PCDHGA8: variants seen among roughly 807,000 people sequenced by gnomAD.
PCDHGA8 encodes the protein protocadherin gamma-A8.
Under a neutral mutation model 59.2 loss-of-function variants are expected in PCDHGA8, and 45 were observed. The observed-to-expected ratio is 0.76, with a 90% CI of 0.60 to 0.98. The LOEUF is 0.98. Ranked by LOEUF, PCDHGA8 falls within the 50% of genes least tolerant of loss-of-function variation. The pLI, the probability that PCDHGA8 is intolerant of heterozygous loss-of-function variation, is 0.00. For synonymous variants in PCDHGA8, 531 were observed against 519.0 expected (o/e 1.02, Z -0.32); for missense variants, 1,257 against 1,196.2 (o/e 1.05, Z -0.75).
chr5:141,428,658 T>C (rs932328483), intron 1 of PCDHGA8: 1 of 165,620 alleles, frequency 6.0e-6, no homozygotes, highest in Non-Finnish European at 1.3e-5. Context: ...TGAGTTCCAA[T>C]GAATGTCTTT....
At chr5:141,400,652 T>A in intron 1 of PCDHGA8, 1 of 1,143,230 alleles carries the variant, frequency 8.7e-7, no homozygotes, top group Non-Finnish European at 1.3e-6. Flanking sequence ...AAAGCTGTCC[T>A]ACCATTCTTT....
chr5:141,427,883 C>G (rs2097084423), intron 1 of PCDHGA8: 3 of 1,563,818 alleles, frequency 1.9e-6, no homozygotes, highest in Non-Finnish European at 1.7e-6. Flanking sequence ...TGCAGGCCCA[C>G]GACCAGGGCT....
intron 1 of PCDHGA8, chr5:141,420,475 A>G (rs1590231324): frequency 3.0e-6 from 2 of 665,126 alleles, no homozygotes; most frequent in Admixed American, 7.8e-5. Context: ...ATTTTAAAGC[A>G]AACTACATGG....
chr5:141,404,745 C>T, intron 1 of PCDHGA8: 1 of 1,613,966 alleles, frequency 6.2e-7, no homozygotes, highest in Non-Finnish European at 8.5e-7. Flanking sequence ...GACAGAGACT[C>T]AGGCCAGAAT....
In PCDHGA8 at chr5:141,432,647, C is replaced by T; in HGVS notation, c.2424+37410C>T. On this transcript the variant is annotated intron_variant, in intron 1 of 3. Coordinates refer to ENST00000398604, the MANE Select transcript of PCDHGA8 (RefSeq NM_032088.2). This position sits in a 1 kb window ranked among gnomAD's most constrained non-coding sequence, Gnocchi z 6.0. ...GCACACGGGCGAGGTGCGCACGGCG[C>T]GAGCCCTGCTGGACAGAGACGCGCT... 3 of 1,613,796 alleles carry T rather than the reference C, an allele frequency of 1.9e-6. No homozygotes were observed. Among genetic ancestry groups the T allele is most frequent in the Admixed American group, 1.7e-5 (1 of 60,008 alleles).
rs1001719735 is a variant in PCDHGA8 at position 141,512,055 on chromosome 5, TGAC to T, written c.*883_*885del. 10 of 152,698 alleles carry T rather than the reference TGAC, an allele frequency of 6.5e-5. No homozygotes were observed. The highest frequency in any genetic ancestry group is 1.4e-4 in the African/African-American group (6 of 41,450). 9.5% of individuals were successfully genotyped at this position (152,698 alleles called of 1,614,324 possible). On this transcript the variant is annotated 3_prime_UTR_variant, in exon 4 of 4. Coordinates refer to ENST00000398604, the MANE Select transcript of PCDHGA8 (RefSeq NM_032088.2). ...GAGGCTCTGTATGTCCTCAGGGGACTGACAACATCCTCCAGATTCCAGCCATAA... is the reference window on the plus strand; with the variant it reads ...GAGGCTCTGTATGTCCTCAGGGGACTAACATCCTCCAGATTCCAGCCATAA...
Position 141,477,447 on chromosome 5 carries a change from G to C in PCDHGA8, c.2425-17360G>C, listed in dbSNP as rs779097830. On this transcript the variant is annotated intron_variant, in intron 1 of 3. Coordinates refer to ENST00000398604, the MANE Select transcript of PCDHGA8 (RefSeq NM_032088.2). The surrounding 1 kb of genome is among the most constrained non-coding windows in gnomAD (Gnocchi z 4.9). ...TCCCTCTCAGCCCTTACAATAGTGCGTGTTCAAGTGTCCGACATCAATGAC... is the reference window on the plus strand; with the variant it reads ...TCCCTCTCAGCCCTTACAATAGTGCCTGTTCAAGTGTCCGACATCAATGAC... The C allele has an allele frequency of 1.6e-5, 26 of 1,614,098 alleles. No individual in the cohort carries two copies. Among genetic ancestry groups the C allele is most frequent in the Non-Finnish European group, 2.2e-5 (26 of 1,180,016 alleles).
chr5:141,454,644 G>T (rs183290309), intron 1 of PCDHGA8, among the ~76,000 whole-genome samples: 2 of 151,892 alleles, frequency 1.3e-5, no homozygotes, highest in South Asian at 2.1e-4. Flanking sequence ...AACCTCAGGT[G>T]ATCTGCCCAC....
rs1183309479 is a variant in PCDHGA8 at position 141,404,628 on chromosome 5, C to G, written c.2424+9391C>G. 1.9e-6 allele frequency: 3 copies of G among 1,614,100 alleles called. No homozygotes were observed. In the South Asian group the frequency reaches 3.3e-5, roughly 18 times the overall value. Reference sequence around the variant, plus strand: ...TTTGTTTTGGACCAGAATGACAATGCCCCAGAAATCCTGTACCCTGCCCTC... The same window carrying G: ...TTTGTTTTGGACCAGAATGACAATGGCCCAGAAATCCTGTACCCTGCCCTC... On this transcript the variant is annotated intron_variant, in intron 1 of 3. Transcript: ENST00000398604.
At position 141,491,744 on chromosome 5, in the gene PCDHGA8, C is replaced by T; in HGVS notation, c.2425-3063C>T. 6.3e-7 allele frequency: 1 copy of T among 1,592,720 alleles called. No individual in the cohort carries two copies. Among genetic ancestry groups the T allele is most frequent in the African/African-American group, 1.3e-5 (1 of 74,122 alleles). Reference sequence around the variant, plus strand: ...CCCCGGGCGACCCCTGGGGGCGGCACTGGAGAAGCCGCCCGTCCTCATAAG... The same window carrying T: ...CCCCGGGCGACCCCTGGGGGCGGCATTGGAGAAGCCGCCCGTCCTCATAAG... On this transcript the variant is annotated intron_variant, in intron 1 of 3. Transcript: ENST00000398604. The surrounding 1 kb of genome is among the most constrained non-coding windows in gnomAD (Gnocchi z 6.9).
At chr5:141,505,913 T>C (rs1457583355) in intron 3 of PCDHGA8, among the ~76,000 whole-genome samples, 1 of 152,098 alleles carries the variant, frequency 6.6e-6, no homozygotes, top group African/African-American at 2.4e-5. Context: ...AAGCATAGAG[T>C]TCTGGGCCTG....
intron 1 of PCDHGA8, among the ~76,000 whole-genome samples, 197 bp from the exon 2 acceptor site, chr5:141,494,610 T>C (rs1428159953): frequency 6.6e-6 from 1 of 152,152 alleles, no homozygotes; most frequent in Non-Finnish European, 1.5e-5. Flanking sequence ...GATTTATCTC[T>C]TGGTTTCTGG....
At chr5:141,418,535 G>GC in intron 1 of PCDHGA8, 1 of 1,614,002 alleles carries the variant, frequency 6.2e-7, no homozygotes, top group Non-Finnish European at 8.5e-7. Context: ...AAGCGGTACT[G>GC]CTCAGATAAG....
chr5:141,481,142 G>T (rs2099532501), intron 1 of PCDHGA8, among the ~76,000 whole-genome samples: 1 of 152,212 alleles, frequency 6.6e-6, no homozygotes, highest in Non-Finnish European at 1.5e-5. Context: ...GAAGTAAAGT[G>T]TTATTCTGGT....
At chr5:141,415,450 C>A (rs774745130) in intron 1 of PCDHGA8, 44 of 1,614,086 alleles carry the variant, frequency 2.7e-5, no homozygotes, top group Non-Finnish European at 3.4e-5. Context: ...GACCTATTCC[C>A]ACGAGGTCTC....
intron 1 of PCDHGA8, chr5:141,417,389 A>C (rs578088616): frequency 2.5e-4 from 39 of 154,566 alleles, no homozygotes; most frequent in Admixed American, 4.5e-4. Flanking sequence ...ATTTTGAAGA[A>C]AAAATATTCA....
Position 141,458,007 on chromosome 5 carries a change from C to T in PCDHGA8, c.2425-36800C>T, listed in dbSNP as rs142050242. Among the ~76,000 whole-genome samples the T allele has an allele frequency of 1.3e-3, 200 of 152,274 alleles. 1 individual carries two copies. The East Asian group carries it at 0.032, about 24-fold the overall frequency. ...TCAGTTAAAGCCTTGGCAAAATAAC[C>T]GGTTTTTCCAATTGTGTTCTGTTGA... On this transcript the variant is annotated intron_variant, in intron 1 of 3. Transcript: ENST00000398604.
chr5:141,409,657 C>T (rs13184346), intron 1 of PCDHGA8: 1 of 1,613,620 alleles, frequency 6.2e-7, no homozygotes, highest in Non-Finnish European at 8.5e-7. Context: ...GGCTCAATGG[C>T]CACATCTCCT....
rs11575958 is a variant in PCDHGA8, at chr5:141,393,374, T to G, written c.561T>G (p.Asn187Lys). The G allele has an allele frequency of 0.026, 42,476 of 1,613,728 alleles. 744 individuals carry two copies. The highest frequency in any genetic ancestry group is 0.04 in the East Asian group (1,806 of 44,842). Residue 187 changes from asparagine to lysine, a missense_variant, in exon 1 of 4, where the codon AAT becomes AAG. Transcript: ENST00000398604. ...CCCTGGACGTGCAGACTGGAGACAATGGAGCCATAAACCCAGAGCTGGTGC... is the reference window on the plus strand; with the variant it reads ...CCCTGGACGTGCAGACTGGAGACAAGGGAGCCATAAACCCAGAGCTGGTGC... ...HFSLDVQTGD[N>K]GAINPELVLE...
Sources: gnomAD v4.1 joint callset for allele counts (sites outside exome capture counted in the v4.1 genomes callset) on GRCh38, gnomAD v4.1.1 for gene constraint, Gnocchi (gnomAD v3.1) non-coding constraint, MANE v1.5 for transcripts, NCBI Gene and HGNC (gene_info 2026-07-23, HGNC 2026-07-21) for gene names.